SPATA24: variants seen among roughly 807,000 people sequenced by gnomAD.
The protein encoded by SPATA24 is spermatogenesis associated 24.
SPATA24 carries 21 observed loss-of-function variants against 28.9 expected under a neutral mutation model. The observed-to-expected ratio is 0.73, with a 90% CI of 0.52 to 1.05. The LOEUF is 1.05. SPATA24 is among the 50% of genes least tolerant of loss of function. The pLI is 0.00. For missense variants in SPATA24, 215 were observed against 242.9 expected (o/e 0.88, Z 0.76); for synonymous variants, 76 against 89.9 (o/e 0.85, Z 0.88).
downstream of SPATA24, chr5:139,396,190 G>T (rs1758701977): frequency 1.0e-6 from 1 of 985,226 alleles, no homozygotes; most frequent in African/African-American, 1.7e-5. Context: ...CCTCTGCCTG[G>T]GTGTGTCCCC....
downstream of SPATA24, chr5:139,393,563 G>T: frequency 6.4e-7 from 1 of 1,551,170 alleles, no homozygotes; most frequent in Non-Finnish European, 8.7e-7. Flanking sequence ...GGACGATCTG[G>T]AGCCTCCCAC....
downstream of SPATA24, chr5:139,394,092 G>A: frequency 4.5e-6 from 7 of 1,550,444 alleles, no homozygotes; most frequent in African/African-American, 1.4e-5. Flanking sequence ...GCTCCGTCCC[G>A]GGCGCAGGCT....
At chr5:139,394,674 C>T, downstream of SPATA24, 14 of 1,534,540 alleles carry the variant, frequency 9.1e-6, 1 homozygote, top group Middle Eastern at 8.4e-4. Flanking sequence ...AGGCCGGCTC[C>T]GTGAACTGTT....
At chr5:139,400,166 G>A (rs1285365966) in intron 4 of SPATA24, among the ~76,000 whole-genome samples, 1 of 152,180 alleles carries the variant, frequency 6.6e-6, no homozygotes, top group East Asian at 1.9e-4. Context: ...GGCTGAACAG[G>A]TGAAAGGCAG....
intron 4 of SPATA24, 120 bp downstream of exon 4, chr5:139,401,635 C>A: frequency 1.7e-6 from 2 of 1,159,922 alleles, no homozygotes; most frequent in Non-Finnish European, 1.3e-6. Flanking sequence ...CCCGGGCCTG[C>A]CTGTATCCTC....
At chr5:139,397,850 C>G (rs987688828) in intron 4 of SPATA24, among the ~76,000 whole-genome samples, 2 of 152,146 alleles carry the variant, frequency 1.3e-5, no homozygotes, top group Admixed American at 6.6e-5. Context: ...CCACCATGCC[C>G]AACATCCTGC....
At chr5:139,395,159 G>T, downstream of SPATA24, 1 of 1,326,598 alleles carries the variant, frequency 7.5e-7, no homozygotes. Flanking sequence ...CGCCCCGCCC[G>T]AGGATGCCGT....
intron 4 of SPATA24, among the ~76,000 whole-genome samples, chr5:139,401,060 G>A (rs919535335): frequency 2.6e-5 from 4 of 152,124 alleles, no homozygotes; most frequent in Admixed American, 2.0e-4. Flanking sequence ...GGGAGGCTGC[G>A]GCAGAAGAAT....
intron 4 of SPATA24, among the ~76,000 whole-genome samples, chr5:139,399,362 ACT>A (rs1462810871): frequency 6.6e-6 from 1 of 152,048 alleles, no homozygotes; most frequent in East Asian, 1.9e-4. Context: ...TAGAACACAA[ACT>A]CTGAAAATAC....
chr5:139,397,620 T>G (rs1758740221), intron 4 of SPATA24, among the ~76,000 whole-genome samples: 1 of 151,922 alleles, frequency 6.6e-6, no homozygotes, highest in African/African-American at 2.4e-5. Context: ...AGTGGCATGA[T>G]CTTGGCTCAC....
intron 4 of SPATA24, among the ~76,000 whole-genome samples, chr5:139,397,968 C>T (rs1368316645): frequency 2.0e-5 from 3 of 152,216 alleles, no homozygotes; most frequent in East Asian, 1.9e-4. Context: ...GTTTTATTCA[C>T]GGCTTTATCC....
chr5:139,394,256 G>T (rs1161243522), downstream of SPATA24: 1 of 1,545,700 alleles, frequency 6.5e-7, no homozygotes. Flanking sequence ...GGTTCCGACC[G>T]CCCCGTGGAC....
chr5:139,393,649 A>T (rs1028956042), downstream of SPATA24: 8 of 1,550,656 alleles, frequency 5.2e-6, no homozygotes, highest in Non-Finnish European at 7.0e-6. Flanking sequence ...AATCTCCCAC[A>T]GGGAAGGGGC....
chr5:139,393,950 T>C (rs749851108), downstream of SPATA24: 4 of 1,550,776 alleles, frequency 2.6e-6, no homozygotes, highest in Middle Eastern at 1.7e-4. Context: ...GAGGGGATCC[T>C]ACACTCAAAA....
At chr5:139,398,609 G>T in intron 4 of SPATA24, among the ~76,000 whole-genome samples, 1 of 152,014 alleles carries the variant, frequency 6.6e-6, no homozygotes, top group Non-Finnish European at 1.5e-5. Flanking sequence ...TAATTTTTCT[G>T]TGTTGGATCA....
At chr5:139,395,276 A>G (rs923570086), downstream of SPATA24, 3 of 456,626 alleles carry the variant, frequency 6.6e-6, no homozygotes, top group Non-Finnish European at 1.1e-5. Flanking sequence ...CCCATGCCCA[A>G]CTAACCCCCT....
chr5:139,396,705 G>A (rs537882644), downstream of SPATA24: 2 of 1,547,994 alleles, frequency 1.3e-6, no homozygotes, highest in East Asian at 4.9e-5. Flanking sequence ...ATCCAAGAGG[G>A]AGGGAAGTAG....
chr5:139,393,443 C>G (rs1471885813), downstream of SPATA24: 1 of 1,551,652 alleles, frequency 6.4e-7, no homozygotes, highest in South Asian at 1.2e-5. Context: ...GTAGGCGGTG[C>G]CAACTCCTCC....
chr5:139,394,202 T>A, downstream of SPATA24: 7 of 1,548,042 alleles, frequency 4.5e-6, no homozygotes, highest in Non-Finnish European at 5.2e-6. Context: ...GACTTAGCCT[T>A]CTCCAGGACC....
Sources: gnomAD v4.1 joint callset for allele counts (sites outside exome capture counted in the v4.1 genomes callset) on GRCh38, gnomAD v4.1.1 for gene constraint, MANE v1.5 for transcripts, NCBI Gene and HGNC (gene_info 2026-07-23, HGNC 2026-07-21) for gene names.